The following ZNF682 variants were observed in gnomAD, a reference collection of about 807,000 sequenced individuals.
ZNF682 encodes the protein zinc finger protein 682.
ZNF682 carries 29 observed loss-of-function variants against 36.5 expected under a neutral mutation model. The ratio of observed to expected loss-of-function variants is 0.80; its 90% CI spans 0.59 to 1.08. The LOEUF (loss-of-function observed/expected upper bound fraction) is 1.08, where lower values mean the gene tolerates loss of function less well. ZNF682 is among the 50% of genes least tolerant of loss of function. ZNF682 has a pLI of 0.00. For synonymous variants in ZNF682, 180 were observed against 197.0 expected (o/e 0.91, Z 0.72); for missense variants, 561 against 579.7 (o/e 0.97, Z 0.33).
chr19:20,019,512 G>A (rs1016713142), intron 3 of ZNF682, among the ~76,000 whole-genome samples: 2 of 151,902 alleles, frequency 1.3e-5, no homozygotes, highest in Non-Finnish European at 2.9e-5. Context: ...GCACAGCAAA[G>A]AAAATAATAG....
Position 20,006,979 on chromosome 19 carries a change from A to C in ZNF682, c.523T>G (p.Cys175Gly). 1.2e-6 allele frequency: 2 copies of C among 1,612,882 alleles called. No homozygotes were observed. Among genetic ancestry groups the C allele is most frequent in the Non-Finnish European group, 1.7e-6 (2 of 1,179,194 alleles). Residue 175 changes from cysteine (C) to glycine (G), a missense_variant, in exon 4 of 4, where the codon TGT becomes GGT. Transcript: ENST00000397165. Reference protein sequence around the residue: ...IRHTTEKLFKCMQCGKVFKSH... With the variant: ...IRHTTEKLFKGMQCGKVFKSH... The stretch of plus-strand genomic sequence containing the variant: ...TTAAAGACTTTGCCACATTGCATAC[A>C]TTTGAAAAGTTTCTCTGTAGTATGT...
chr19:20,031,756 T>C (rs537214636), intron 1 of ZNF682, among the ~76,000 whole-genome samples: 13 of 151,946 alleles, frequency 8.6e-5, no homozygotes, highest in Admixed American at 2.0e-4. Context: ...TCCTGGCTAA[T>C]ACAGTGAAAC....
intron 3 of ZNF682, among the ~76,000 whole-genome samples, 192 bp downstream of exon 3, chr19:20,022,812 T>C (rs1259822987): frequency 6.6e-6 from 1 of 152,208 alleles, no homozygotes; most frequent in African/African-American, 2.4e-5. Context: ...AACCTCAAAG[T>C]AAGGTTACTT....
chr19:20,021,650 C>T (rs1040599554), intron 3 of ZNF682, among the ~76,000 whole-genome samples: 7 of 152,214 alleles, frequency 4.6e-5, no homozygotes, highest in East Asian at 1.9e-4. Context: ...AGTAACCACA[C>T]GGTCCCCACA....
chr19:19,999,279 G>C (rs1004271132), intron 3 of ZNF682, among the ~76,000 whole-genome samples: 3 of 152,158 alleles, frequency 2.0e-5, no homozygotes, highest in African/African-American at 7.2e-5. Flanking sequence ...CTATCATTCT[G>C]TACTCCATTG....
chr19:20,009,046 C>T (rs546004392), intron 3 of ZNF682, among the ~76,000 whole-genome samples: 11 of 152,158 alleles, frequency 7.2e-5, no homozygotes, highest in Non-Finnish European at 1.6e-4. Context: ...AACACCCCAT[C>T]CAAATGACAG....
chr19:20,010,754 C>G (rs1428835178), intron 3 of ZNF682, among the ~76,000 whole-genome samples: 3 of 151,940 alleles, frequency 2.0e-5, no homozygotes, highest in Non-Finnish European at 2.9e-5. Context: ...ATCACCAGGT[C>G]AAGAGATCAA....
downstream of ZNF682, among the ~76,000 whole-genome samples, chr19:19,995,566 G>T (rs147767066): frequency 6.6e-6 from 1 of 152,132 alleles, no homozygotes; most frequent in African/African-American, 2.4e-5. Context: ...GAAACAGCGC[G>T]GGATGAATGC....
rs777590257 is a variant in ZNF682 at position 20,006,928 on chromosome 19, T to C, written c.574A>G (p.Lys192Glu). 5 of 1,613,812 alleles carry C rather than the reference T, an allele frequency of 3.1e-6. No homozygotes were observed. The South Asian group carries it at 5.5e-5, about 18-fold the overall frequency. ...FKSHSGLSYH[K>E]IIHTEEKLCI... ...AGTTTCTCTTCAGTGTGAATTATCT[T>C]ATGATAAGAAAGGCCTGAGTGAGAT... The change falls in exon 4 of 4, where the codon AAG (lysine) becomes GAG (glutamate). Residue 192 changes from lysine to glutamate, a missense_variant. Transcript: ENST00000397165.
chr19:20,012,965 T>G (rs189869589), intron 3 of ZNF682, among the ~76,000 whole-genome samples: 38 of 152,044 alleles, frequency 2.5e-4, no homozygotes, highest in African/African-American at 8.7e-4. Flanking sequence ...AGTAACCCCT[T>G]CTCTATCAGA....
At position 20,023,225 on chromosome 19, in the gene ZNF682, G is replaced by A. The variant is rs184556855; in HGVS notation, c.131-126C>T. Reference sequence around the variant, plus strand: ...TAGAAAATTAATAATAAGGACAGGCGCGTTGGCTCATACCTGTAATCCCAA... The same window carrying A: ...TAGAAAATTAATAATAAGGACAGGCACGTTGGCTCATACCTGTAATCCCAA... On this transcript the variant is annotated intron_variant, in intron 2 of 3. Coordinates refer to ENST00000397165, the MANE Select transcript of ZNF682 (RefSeq NM_033196.3). The A allele has an allele frequency of 8.2e-5, 68 of 833,156 alleles. No individual in the cohort carries two copies. The Admixed American group carries it at 9.4e-4, about 12-fold the overall frequency. 51.6% of individuals were successfully genotyped at this position (833,156 alleles called of 1,614,324 possible).
At chr19:20,014,498 G>A (rs748130468) in intron 3 of ZNF682, among the ~76,000 whole-genome samples, 4 of 152,000 alleles carry the variant, frequency 2.6e-5, no homozygotes, top group Non-Finnish European at 2.9e-5. Context: ...TGGGTCGGAC[G>A]TGTAGGTTCA....
intron 3 of ZNF682, chr19:20,015,905 A>G (rs941087273): frequency 2.5e-6 from 1 of 396,758 alleles, no homozygotes. Context: ...ATTGTAAAAT[A>G]CGGTATAAAA....
Position 20,006,678 on chromosome 19 carries a change from T to C in ZNF682, c.824A>G (p.His275Arg), listed in dbSNP as rs539725904. Residue 275 changes from histidine (H) to arginine (R), a missense_variant, in exon 4 of 4, where the codon CAT (histidine) becomes CGT (arginine). Transcript: ENST00000397165. Reference sequence around the variant, plus strand: ...TTTTTCTCCTGTATGAATTTTCTTATGTCTAACAAAGGGTGAACACCAGTG... The same window carrying C: ...TTTTTCTCCTGTATGAATTTTCTTACGTCTAACAAAGGGTGAACACCAGTG... ...AFHWCSPFVR[H>R]KKIHTGEKPY... 19 of 1,613,968 alleles carry C rather than the reference T, an allele frequency of 1.2e-5. No homozygotes were observed. The highest frequency in any genetic ancestry group is 2.2e-5 in the East Asian group (1 of 44,870).
intron 1 of ZNF682, among the ~76,000 whole-genome samples, chr19:20,036,267 A>C (rs1489250233): frequency 1.3e-5 from 2 of 151,548 alleles, no homozygotes; most frequent in Non-Finnish European, 3.0e-5. Flanking sequence ...CTGAAGAGAT[A>C]CCCTTCTGTA....
chr19:20,021,022 T>C lies in ZNF682; in HGVS notation c.226+1982A>G, dbSNP rs1412576673. ...CTATAGTTAATCATAATGCTCTATA[T>C]CAGGGGTATCCAATCTTTTGGCTTC... On this transcript the variant is annotated intron_variant, in intron 3 of 3. Coordinates refer to ENST00000397165, the MANE Select transcript of ZNF682 (RefSeq NM_033196.3). Among the ~76,000 whole-genome samples the C allele has an allele frequency of 9.2e-5, 14 of 151,452 alleles. No homozygotes were observed. The East Asian group carries it at 2.5e-3, about 27-fold the overall frequency.
chr19:20,009,513 C>G (rs1446832200), intron 3 of ZNF682, among the ~76,000 whole-genome samples: 1 of 152,090 alleles, frequency 6.6e-6, no homozygotes, highest in South Asian at 2.1e-4. Flanking sequence ...CACAGAGATA[C>G]AAGAAATTCA....
At chr19:20,017,629 A>T (rs552539017) in intron 3 of ZNF682, among the ~76,000 whole-genome samples, 1 of 152,316 alleles carries the variant, frequency 6.6e-6, no homozygotes, top group African/African-American at 2.4e-5. Context: ...TCACGGCCTC[A>T]TTCTCAATCA....
intron 3 of ZNF682, among the ~76,000 whole-genome samples, chr19:20,010,950 C>T (rs760697450): frequency 1.5e-4 from 22 of 150,828 alleles, no homozygotes; most frequent in Non-Finnish European, 2.7e-4. Flanking sequence ...GCCAACAGAG[C>T]GAGACTGTCT....
Sources: allele counts gnomAD v4.1 joint callset (sites outside exome capture counted in the v4.1 genomes callset), GRCh38; gene constraint gnomAD v4.1.1; transcripts MANE v1.5; gene names NCBI Gene and HGNC (gene_info 2026-07-23, HGNC 2026-07-21).